PPFIBP1: variants seen among roughly 807,000 people sequenced by gnomAD.
The protein encoded by PPFIBP1 is PPFIB scaffold protein 1.
Under a neutral mutation model 137.8 loss-of-function variants are expected in PPFIBP1, and 112 were observed. The observed-to-expected ratio is 0.81, with a 90% CI of 0.70 to 0.95. The LOEUF (loss-of-function observed/expected upper bound fraction) is 0.95. Among genes scored for constraint, PPFIBP1 ranks in the 40% least tolerant of loss-of-function variants. The probability of loss-of-function intolerance (pLI) is 0.00; values close to 1 mark genes in which losing one functional copy is unlikely to be tolerated. For missense variants in PPFIBP1, 1,083 were observed against 1,196.6 expected (o/e 0.91, Z 1.40); for synonymous variants, 378 against 417.3 (o/e 0.91, Z 1.15).
At chr12:27,662,315 C>G (rs2059602454) in intron 11 of PPFIBP1, among the ~76,000 whole-genome samples, 1 of 152,176 alleles carries the variant, frequency 6.6e-6, no homozygotes, top group Non-Finnish European at 1.5e-5. Context: ...GGGCTGACCA[C>G]AGAGCTAAGT....
chr12:27,595,801 C>T (rs1479911763), intron 2 of PPFIBP1, among the ~76,000 whole-genome samples: 1 of 150,804 alleles, frequency 6.6e-6, no homozygotes, highest in Admixed American at 6.6e-5. Context: ...TTGCGGTGAG[C>T]GGAGATAGCG....
At chr12:27,664,535 C>A in intron 12 of PPFIBP1, 89 bp downstream of exon 12, 1 of 867,856 alleles carries the variant, frequency 1.2e-6, no homozygotes, top group Non-Finnish European at 1.9e-6. Flanking sequence ...TTTCCTGGAT[C>A]ATACCCATTG....
At chr12:27,565,296 C>G (rs2136496031) in intron 1 of PPFIBP1, among the ~76,000 whole-genome samples, 1 of 152,316 alleles carries the variant, frequency 6.6e-6, no homozygotes, top group Non-Finnish European at 1.5e-5. Context: ...TCATTGGAGT[C>G]CGGGGAAAGC....
chr12:27,647,867 A>G (rs202098004), intron 6 of PPFIBP1, 25 bp downstream of exon 6: 2 of 1,598,108 alleles, frequency 1.3e-6, no homozygotes, highest in African/African-American at 2.7e-5. Context: ...CAGAACCAAG[A>G]TGGGATTTCC....
rs56020985 is a variant in PPFIBP1 at position 27,663,839 on chromosome 12, C to CAA, written c.907-511_907-510dup. On this transcript the variant is annotated intron_variant, in intron 11 of 29. Transcript: ENST00000228425. ...TGGGTGACAGAGCGAGACCCTGTCTCAAAAAAAAAAAAAGAGAAAAAGGAT... is the reference window on the plus strand; with the variant it reads ...TGGGTGACAGAGCGAGACCCTGTCTCAAAAAAAAAAAAAAAGAGAAAAAGGAT... Among the ~76,000 whole-genome samples, 123 of 130,076 alleles carry CAA rather than the reference C, an allele frequency of 9.5e-4. 1 individual carries two copies. In the South Asian group the frequency reaches 0.027, roughly 29 times the overall value. 85.3% of individuals were successfully genotyped at this position (130,076 alleles called of 152,430 possible).
intron 2 of PPFIBP1, among the ~76,000 whole-genome samples, chr12:27,592,950 G>T (rs958532802): frequency 5.9e-5 from 9 of 151,870 alleles, no homozygotes; most frequent in African/African-American, 2.2e-4. Context: ...GACAAGCCTG[G>T]CCAACATGGT....
At chr12:27,654,341 A>G (rs905668707) in intron 7 of PPFIBP1, 2 of 154,442 alleles carry the variant, frequency 1.3e-5, no homozygotes, top group African/African-American at 4.8e-5. Flanking sequence ...AGAATGTGGT[A>G]TATTTAAAAT....
At chr12:27,559,358 G>C (rs58250821) in intron 1 of PPFIBP1, among the ~76,000 whole-genome samples, 2 of 151,668 alleles carry the variant, frequency 1.3e-5, no homozygotes, top group Admixed American at 1.3e-4. Flanking sequence ...TAGTAGAGAC[G>C]GGGTTTCACC....
rs2059092833 is a variant in PPFIBP1 at position 27,654,757 on chromosome 12, AG to A, written c.640del (p.Val214LeufsTer25). On this transcript the variant is annotated frameshift_variant, in exon 8 of 30. Transcript: ENST00000228425. LOFTEE classifies it high-confidence loss of function. ...IQEINDLRLK[V>X]SEMDSERLQY... ...AGGAGATCAATGATTTGAGGTTAAA[AG>A]TTAGTGAAATGGACAGTGAGAGACT... 6.2e-7 allele frequency: 1 copy of A among 1,611,764 alleles called. No homozygotes were observed. Among genetic ancestry groups the A allele is most frequent in the Admixed American group, 1.7e-5 (1 of 59,890 alleles).
intron 1 of PPFIBP1, among the ~76,000 whole-genome samples, chr12:27,536,794 T>TA (rs1387926893): frequency 2.0e-5 from 3 of 152,218 alleles, no homozygotes; most frequent in African/African-American, 7.2e-5. Context: ...AGTAGAGTAT[T>TA]AAACCAACTG....
intron 2 of PPFIBP1, among the ~76,000 whole-genome samples, chr12:27,596,495 C>T (rs2053324191): frequency 6.6e-6 from 1 of 151,994 alleles, no homozygotes. Context: ...TAACATGTTC[C>T]CCAGCATTTA....
chr12:27,647,307 C>T (rs1474524206), intron 5 of PPFIBP1, among the ~76,000 whole-genome samples: 2 of 141,898 alleles, frequency 1.4e-5, no homozygotes, highest in South Asian at 4.8e-4. Context: ...GCTACCTCTC[C>T]CCCCTACCCC....
intron 8 of PPFIBP1, chr12:27,655,315 T>G: frequency 1.0e-6 from 1 of 987,052 alleles, no homozygotes; most frequent in Non-Finnish European, 1.5e-6. Context: ...ATGTTTTTAG[T>G]GGCATGTGCA....
chr12:27,623,071 C>G (rs1241922877), intron 2 of PPFIBP1, among the ~76,000 whole-genome samples: 2 of 152,088 alleles, frequency 1.3e-5, no homozygotes, highest in Non-Finnish European at 2.9e-5. Flanking sequence ...CTGCTTATAT[C>G]TAGGAAGCAG....
intron 1 of PPFIBP1, among the ~76,000 whole-genome samples, chr12:27,535,767 A>T (rs1231350067): frequency 6.6e-6 from 1 of 152,222 alleles, no homozygotes; most frequent in Non-Finnish European, 1.5e-5. Context: ...TTGTCGACGC[A>T]TATGTATATT....
intron 7 of PPFIBP1, 148 bp from the exon 8 acceptor site, chr12:27,654,574 T>G: frequency 2.0e-6 from 2 of 984,000 alleles, no homozygotes; most frequent in East Asian, 3.0e-5. Context: ...CTTAAGGAGG[T>G]ACATTTATTT....
intron 25 of PPFIBP1, 24 bp from the exon 26 acceptor site, chr12:27,688,274 G>T: frequency 1.9e-6 from 3 of 1,610,034 alleles, no homozygotes; most frequent in Non-Finnish European, 2.5e-6. Context: ...TAATATTTAG[G>T]ATCCTGGTTG....
At chr12:27,550,991 A>ATTTTTT (rs9300174) in intron 1 of PPFIBP1, among the ~76,000 whole-genome samples, 1 of 136,712 alleles carries the variant, frequency 7.3e-6, no homozygotes, top group South Asian at 2.3e-4. Flanking sequence ...ATATATATAT[A>ATTTTTT]TTTTTTTTTT....
At chr12:27,622,376 C>A (rs972439712) in intron 2 of PPFIBP1, among the ~76,000 whole-genome samples, 5 of 152,134 alleles carry the variant, frequency 3.3e-5, no homozygotes, top group Non-Finnish European at 7.3e-5. Flanking sequence ...AATTGAGTTG[C>A]CAGCAGAATT....
Sources: allele counts gnomAD v4.1 joint callset (sites outside exome capture counted in the v4.1 genomes callset), GRCh38; gene constraint gnomAD v4.1.1; transcripts MANE v1.5; gene names NCBI Gene and HGNC (gene_info 2026-07-23, HGNC 2026-07-21).